USH2A: variants seen among roughly 807,000 people sequenced by gnomAD.
USH2A encodes the protein Usher syndrome 2A (autosomal recessive, mild).
Under a neutral mutation model 538.9 loss-of-function variants are expected in USH2A, and 443 were observed. The ratio of observed to expected loss-of-function variants is 0.82; its 90% CI spans 0.76 to 0.89. The LOEUF is 0.89. Among genes scored for constraint, USH2A ranks in the 40% least tolerant of loss-of-function variants. The pLI, the probability that USH2A is intolerant of heterozygous loss-of-function variation, is 0.00. For synonymous variants in USH2A, 2,413 were observed against 2,273.5 expected (o/e 1.06, Z -1.75); for missense variants, 6,633 against 6,324.8 (o/e 1.05, Z -1.65).
At chr1:215,825,180 T>C (rs1428110262) in intron 47 of USH2A, among the ~76,000 whole-genome samples, 2 of 152,180 alleles carry the variant, frequency 1.3e-5, no homozygotes, top group East Asian at 3.9e-4. Context: ...CTGTTACTAC[T>C]ACATACTATT....
chr1:216,112,170 C>T (rs1029626104), intron 21 of USH2A, among the ~76,000 whole-genome samples: 9 of 152,094 alleles, frequency 5.9e-5, no homozygotes, highest in Non-Finnish European at 7.4e-5. Context: ...AAAATATGAG[C>T]GCCCTGGAAT....
At chr1:215,970,178 C>T (rs1271732021) in intron 36 of USH2A, among the ~76,000 whole-genome samples, 2 of 152,162 alleles carry the variant, frequency 1.3e-5, no homozygotes, top group Non-Finnish European at 2.9e-5. Flanking sequence ...TTTATCCTAA[C>T]AGATGAGGTA....
At position 216,423,279 on chromosome 1, in the gene USH2A, T is replaced by A. The variant is rs2039710871; in HGVS notation, c.-270A>T. 1 of 152,150 alleles carries A rather than the reference T, an allele frequency of 6.6e-6. No homozygotes were observed. The highest frequency in any genetic ancestry group is 6.6e-5 in the Admixed American group (1 of 15,266). The allele number at this position is 152,150 out of a possible 1,614,324, so 9.4% of individuals were successfully genotyped here. A position where few individuals can be genotyped will look rare whatever the true frequency, so the allele number is the denominator to read the frequency against. On this transcript the variant is annotated 5_prime_UTR_variant, in exon 1 of 72. Coordinates refer to ENST00000307340, the MANE Select transcript of USH2A (RefSeq NM_206933.4). ...AAATGGCTCTTCAACAGGACCGCTG[T>A]CCCTCGTTGCCTGGCAACGCTGCTG...
At chr1:215,890,843 C>T (rs997762006) in intron 40 of USH2A, among the ~76,000 whole-genome samples, 1 of 152,082 alleles carries the variant, frequency 6.6e-6, no homozygotes, top group Non-Finnish European at 1.5e-5. Flanking sequence ...CCCCAAATCC[C>T]CTGAGATTGG....
At chr1:215,946,084 T>C (rs1361627059) in intron 37 of USH2A, among the ~76,000 whole-genome samples, 1 of 152,158 alleles carries the variant, frequency 6.6e-6, no homozygotes, top group Non-Finnish European at 1.5e-5. Context: ...GAAATGCTGC[T>C]CTAAACTTGG....
At chr1:215,643,435 C>A (rs1395254878) in intron 67 of USH2A, among the ~76,000 whole-genome samples, 1 of 151,998 alleles carries the variant, frequency 6.6e-6, no homozygotes, top group African/African-American at 2.4e-5. Context: ...ACTATTGACC[C>A]AGTAGTGGAT....
At chr1:216,022,710 C>T (rs546992548) in intron 32 of USH2A, among the ~76,000 whole-genome samples, 2 of 152,202 alleles carry the variant, frequency 1.3e-5, no homozygotes, top group South Asian at 2.1e-4. Context: ...AACAGTGATA[C>T]AGATATAACA....
chr1:215,745,023 G>A (rs1027815367), intron 58 of USH2A, among the ~76,000 whole-genome samples: 1 of 152,028 alleles, frequency 6.6e-6, no homozygotes, highest in Non-Finnish European at 1.5e-5. Context: ...TTCCTCAGAG[G>A]CCACGATCTC....
intron 9 of USH2A, among the ~76,000 whole-genome samples, chr1:216,305,588 T>G (rs1361374489): frequency 2.9e-5 from 4 of 138,486 alleles, no homozygotes; most frequent in Admixed American, 2.1e-4. Flanking sequence ...TTAAATTGTG[T>G]TTTTTTTTTA....
chr1:216,220,866 TGGGG>T (rs2035444569), intron 14 of USH2A, among the ~76,000 whole-genome samples: 1 of 152,052 alleles, frequency 6.6e-6, no homozygotes, highest in Admixed American at 6.6e-5. Context: ...AACTTGCTAA[TGGGG>T]ATGATGAAGA....
intron 32 of USH2A, among the ~76,000 whole-genome samples, chr1:216,015,300 C>A (rs903542260): frequency 6.6e-6 from 1 of 152,138 alleles, no homozygotes; most frequent in African/African-American, 2.4e-5. Flanking sequence ...CAATGAGCTG[C>A]GCCAGAATGC....
intron 36 of USH2A, among the ~76,000 whole-genome samples, chr1:215,966,980 G>T (rs1339626629): frequency 6.6e-6 from 1 of 151,954 alleles, no homozygotes; most frequent in Non-Finnish European, 1.5e-5. Flanking sequence ...GTACTATTTT[G>T]CTCTGACCTG....
At chr1:215,763,519 C>A (rs544493090) in intron 56 of USH2A, among the ~76,000 whole-genome samples, 1 of 152,156 alleles carries the variant, frequency 6.6e-6, no homozygotes, top group Non-Finnish European at 1.5e-5. Context: ...GATGGCAGGA[C>A]TGCACATACC....
intron 65 of USH2A, among the ~76,000 whole-genome samples, chr1:215,649,161 G>T (rs1262369138): frequency 6.6e-6 from 1 of 152,158 alleles, no homozygotes; most frequent in Non-Finnish European, 1.5e-5. Flanking sequence ...TGTCTAGTCA[G>T]CATTCACCAA....
rs201513512 is a variant in USH2A at position 215,628,953 on chromosome 1, G to A, written c.15380C>T (p.Pro5127Leu). The A allele has an allele frequency of 9.3e-6, 15 of 1,613,960 alleles. No homozygotes were observed. In the Admixed American group the frequency reaches 1.0e-4, roughly 11 times the overall value. ...GGTTAGGCTGGTTTGGTTTTGACTC[G>A]GGATGCGCAGGACACATGCACTCCG... Reference protein sequence around the residue: ...SNRSACVLRIPSQNQTSLTYS... With the variant: ...SNRSACVLRILSQNQTSLTYS... Residue 5127 changes from proline (P) to leucine (L), a missense_variant, in exon 71 of 72, where the codon CCG (proline) becomes CTG (leucine). Physicochemically the swap from Pro to Leu is moderately conservative, Grantham distance 98 (BLOSUM62 -3). Coordinates refer to ENST00000307340, the MANE Select transcript of USH2A (RefSeq NM_206933.4).
At chr1:215,751,500 AGACT>A (rs1162812181) in intron 58 of USH2A, among the ~76,000 whole-genome samples, 2 of 152,128 alleles carry the variant, frequency 1.3e-5, no homozygotes, top group Admixed American at 6.5e-5. Flanking sequence ...TAAATTAGAA[AGACT>A]CATTATTACC....
chr1:215,758,474 AT>A, intron 58 of USH2A, 120 bp downstream of exon 58: 1 of 1,266,054 alleles, frequency 7.9e-7, no homozygotes, highest in South Asian at 1.3e-5. Flanking sequence ...TTCTGTTCAT[AT>A]TTATCCAGGA....
chr1:215,806,453 T>C (rs1056549840), intron 49 of USH2A, among the ~76,000 whole-genome samples: 2 of 152,024 alleles, frequency 1.3e-5, no homozygotes, highest in South Asian at 2.1e-4. Flanking sequence ...ATCTCTGACT[T>C]TGAATGTGTC....
At chr1:216,384,303 A>C (rs1330871056) in intron 3 of USH2A, among the ~76,000 whole-genome samples, 1 of 152,114 alleles carries the variant, frequency 6.6e-6, no homozygotes, top group Non-Finnish European at 1.5e-5. Flanking sequence ...AGAACAATAC[A>C]CAGCTATTAC....
Sources: allele counts gnomAD v4.1 joint callset (sites outside exome capture counted in the v4.1 genomes callset), GRCh38; gene constraint gnomAD v4.1.1; transcripts MANE v1.5; gene names NCBI Gene and HGNC (gene_info 2026-07-23, HGNC 2026-07-21).